Variants in A2ML1 observed in about 807,000 individuals in gnomAD.
The protein encoded by A2ML1 is alpha-2-macroglobulin-like protein 1.
In A2ML1, 161 loss-of-function variants were observed where a neutral mutation model predicts 181.9. The observed-to-expected ratio is 0.89, with a 90% CI of 0.78 to 1.01. The LOEUF is 1.01. Ranked by LOEUF, A2ML1 falls within the 50% of genes least tolerant of loss-of-function variation. A2ML1 has a pLI of 0.00. For missense variants in A2ML1, 1,670 were observed against 1,768.1 expected, an observed-to-expected ratio of 0.94 and a Z score of 1.00; for synonymous variants, 663 against 666.8, an observed-to-expected ratio of 0.99 and a Z score of 0.09.
chr12:8,863,437 A>G (rs1383579981), intron 28 of A2ML1, among the ~76,000 whole-genome samples: 3 of 152,208 alleles, frequency 2.0e-5, no homozygotes, highest in Non-Finnish European at 4.4e-5. Context: ...AAATGCTGAA[A>G]AATTCATAAA....
chr12:8,858,003 T>C lies in A2ML1; in HGVS notation c.3165T>C (p.Asp1055=). 6.2e-7 allele frequency: 1 copy of C among 1,614,146 alleles called. No homozygotes were observed. The highest frequency in any genetic ancestry group is 1.1e-5 in the South Asian group (1 of 91,070). ...FGQAQKFIFI[D]PKNIQDALKW... ...AAGCTCAGAAATTCATCTTCATTGATCCCAAGAACATCCAGGATGCTCTCA... is the reference window on the plus strand; with the variant it reads ...AAGCTCAGAAATTCATCTTCATTGACCCCAAGAACATCCAGGATGCTCTCA... Residue 1055 remains aspartate, a synonymous_variant, in exon 26 of 36, where the codon GAT becomes GAC. Coordinates refer to ENST00000299698, the MANE Select transcript of A2ML1 (RefSeq NM_144670.6).
intron 3 of A2ML1, among the ~76,000 whole-genome samples, chr12:8,824,986 T>TA (rs1942882928): frequency 6.6e-6 from 1 of 152,202 alleles, no homozygotes; most frequent in South Asian, 2.1e-4. Context: ...ATCCATTTTT[T>TA]ATCATCTGTT....
Position 8,867,947 on chromosome 12 carries a change from A to C in A2ML1, c.3823A>C (p.Thr1275Pro). The change falls in exon 30 of 36, where the codon ACA becomes CCA. Residue 1275 changes from threonine to proline, a missense_variant. Thr to Pro is a conservative substitution (Grantham distance 38). Transcript: ENST00000299698. Reference sequence around the variant, plus strand: ...AAAATCCACTGAGAATTTCCAGCGCACATTCAACATACAGTCAGTTAACAG... The same window carrying C: ...AAAATCCACTGAGAATTTCCAGCGCCCATTCAACATACAGTCAGTTAACAG... ...VVKSTENFQR[T>P]FNIQSVNRLV... The C allele has an allele frequency of 2.5e-6, 4 of 1,614,240 alleles. No individual in the cohort carries two copies. The highest frequency in any genetic ancestry group is 3.4e-6 in the Non-Finnish European group (4 of 1,180,046).
At chr12:8,862,240 T>C (rs910844501) in intron 28 of A2ML1, among the ~76,000 whole-genome samples, 1 of 152,132 alleles carries the variant, frequency 6.6e-6, no homozygotes, top group Non-Finnish European at 1.5e-5. Flanking sequence ...TCTTGCTCTG[T>C]CACCCAGGCT....
Position 8,841,480 on chromosome 12 carries a change from C to G in A2ML1, c.1192C>G (p.Leu398Val). 2 of 1,614,114 alleles carry G rather than the reference C, an allele frequency of 1.2e-6. No individual in the cohort carries two copies. Among genetic ancestry groups the G allele is most frequent in the African/African-American group, 2.7e-5 (2 of 75,014 alleles). Residue 398 changes from leucine (L) to valine (V), a missense_variant, in exon 11 of 36, where the codon CTA (leucine) becomes GTA (valine). By Grantham distance (32) the Leu-to-Val change is conservative (BLOSUM62 1). Coordinates refer to ENST00000299698, the MANE Select transcript of A2ML1 (RefSeq NM_144670.6). The part of the protein sequence containing the change: ...NQTLVTDNNG[L>V]APFTLETSGW... Reference sequence around the variant, plus strand: ...GACCCTGGTTACTGATAACAATGGCCTAGCTCCCTTTACCTTGGAGACATC... The same window carrying G: ...GACCCTGGTTACTGATAACAATGGCGTAGCTCCCTTTACCTTGGAGACATC...
intron 3 of A2ML1, among the ~76,000 whole-genome samples, chr12:8,826,456 T>C (rs950576758): frequency 4.6e-4 from 70 of 152,198 alleles, no homozygotes; most frequent in Non-Finnish European, 5.3e-4. Flanking sequence ...TGAATTTTTT[T>C]TGTTTTTGAG....
chr12:8,851,704 C>T (rs1943893951), intron 18 of A2ML1, 80 bp from the exon 19 acceptor site: 3 of 1,376,404 alleles, frequency 2.2e-6, no homozygotes, highest in East Asian at 4.9e-5. Context: ...GCACACCCCA[C>T]CGAATTTGTG....
chr12:8,849,422 G>A (rs1592133617), intron 16 of A2ML1, among the ~76,000 whole-genome samples: 2 of 152,180 alleles, frequency 1.3e-5, no homozygotes, highest in South Asian at 2.1e-4. Context: ...AGGACATAGC[G>A]AATAATATTT....
At chr12:8,828,090 T>C (rs1274950796) in intron 3 of A2ML1, among the ~76,000 whole-genome samples, 1 of 152,112 alleles carries the variant, frequency 6.6e-6, no homozygotes, top group East Asian at 1.9e-4. Flanking sequence ...CCAAGGCCTG[T>C]GGTAACCAGT....
chr12:8,826,626 GTTT>G (rs1040230815), intron 3 of A2ML1, among the ~76,000 whole-genome samples: 1 of 151,590 alleles, frequency 6.6e-6, no homozygotes, highest in South Asian at 2.1e-4. Context: ...TTTTGTTTTT[GTTT>G]TTTTGTTTTT....
intron 28 of A2ML1, among the ~76,000 whole-genome samples, chr12:8,861,578 C>T (rs1387757529): frequency 1.3e-5 from 2 of 152,064 alleles, no homozygotes; most frequent in African/African-American, 2.4e-5. Flanking sequence ...AGTTCCGCCT[C>T]CCGGGTTCAC....
At position 8,847,987 on chromosome 12, in the gene A2ML1, G is replaced by GA. The variant is rs11312111; in HGVS notation, c.1833+305dup. On this transcript the variant is annotated intron_variant, in intron 15 of 35. Transcript: ENST00000299698. ...AAACTCTGTCTCTACTAAAAATCCA[G>GA]AAAAAAAAAAAAAAAATTAACTGGG... Among the ~76,000 whole-genome samples the GA allele has an allele frequency of 0.012, 1,563 of 125,636 alleles. 25 individuals carry two copies. The highest frequency in any genetic ancestry group is 0.04 in the African/African-American group (1,322 of 32,680). 82.4% of individuals were successfully genotyped at this position (125,636 alleles called of 152,430 possible).
chr12:8,860,596 C>G (rs1262927189), intron 26 of A2ML1, among the ~76,000 whole-genome samples: 1 of 152,028 alleles, frequency 6.6e-6, no homozygotes, highest in Non-Finnish European at 1.5e-5. Flanking sequence ...CTTACCCTTC[C>G]TAACTCCTTC....
chr12:8,848,012 GCA>G (rs2136853860), intron 15 of A2ML1, among the ~76,000 whole-genome samples: 1 of 140,208 alleles, frequency 7.1e-6, no homozygotes, highest in Non-Finnish European at 1.5e-5. Context: ...AATTAACTGG[GCA>G]TGGGCCCATG....
chr12:8,880,037 G>A (rs1182236297), downstream of A2ML1, among the ~76,000 whole-genome samples: 1 of 152,162 alleles, frequency 6.6e-6, no homozygotes, highest in Non-Finnish European at 1.5e-5. Flanking sequence ...TTATAATACA[G>A]TGTGACCAAA....
chr12:8,828,236 C>T (rs150642072), intron 3 of A2ML1, among the ~76,000 whole-genome samples: 5 of 152,302 alleles, frequency 3.3e-5, no homozygotes, highest in East Asian at 1.9e-4. Flanking sequence ...ATGTAATCTG[C>T]GAGCCAGGGC....
intron 10 of A2ML1, among the ~76,000 whole-genome samples, chr12:8,839,793 C>T (rs1371957994): frequency 6.6e-6 from 1 of 152,032 alleles, no homozygotes; most frequent in African/African-American, 2.4e-5. Flanking sequence ...TGTTGCCCAG[C>T]CTGAAGTGCA....
At chr12:8,827,576 CT>C (rs1942970370) in intron 3 of A2ML1, among the ~76,000 whole-genome samples, 1 of 152,204 alleles carries the variant, frequency 6.6e-6, no homozygotes, top group South Asian at 2.1e-4. Context: ...AGATCACTAT[CT>C]TTGTTTCTGG....
At position 8,858,056 on chromosome 12, in the gene A2ML1, G is replaced by A. The variant is rs745334410; in HGVS notation, c.3218G>A (p.Ser1073Asn). The stretch of plus-strand genomic sequence containing the variant: ...TGGATGGCAGGAAACCAGCTCCCCA[G>A]TGGCTGCTATGCCAACGTGGGAAAT... Reference protein sequence around the residue: ...LKWMAGNQLPSGCYANVGNLL... With the variant: ...LKWMAGNQLPNGCYANVGNLL... Residue 1073 changes from serine to asparagine, a missense_variant, in exon 26 of 36, where the codon AGT becomes AAT. By Grantham distance (46) the Ser-to-Asn change is conservative. Coordinates refer to ENST00000299698, the MANE Select transcript of A2ML1 (RefSeq NM_144670.6). 3.1e-6 allele frequency: 5 copies of A among 1,614,042 alleles called. No individual in the cohort carries two copies. In the African/African-American group the frequency reaches 5.3e-5, roughly 17 times the overall value.
Sources: allele counts gnomAD v4.1 joint callset (sites outside exome capture counted in the v4.1 genomes callset), GRCh38; gene constraint gnomAD v4.1.1; transcripts MANE v1.5; gene names NCBI Gene and HGNC (gene_info 2026-07-23, HGNC 2026-07-21).